Variants in PHKA1 observed in about 807,000 individuals in gnomAD.
PHKA1 encodes the protein phosphorylase kinase regulatory subunit alpha 1.
A neutral mutation model predicts 110.2 loss-of-function variants in PHKA1; 60 were observed. The observed-to-expected ratio is 0.54, with a 90% confidence interval of 0.44 to 0.68. The LOEUF (loss-of-function observed/expected upper bound fraction) is 0.68. Among genes scored for constraint, PHKA1 ranks in the 30% least tolerant of loss-of-function variants. The probability of loss-of-function intolerance (pLI) is 0.00; values close to 1 mark genes in which losing one functional copy is unlikely to be tolerated. For missense variants in PHKA1, 801 were observed against 942.5 expected (o/e 0.85, Z 1.97); for synonymous variants, 316 against 333.6 (o/e 0.95, Z 0.58).
Position 72,620,898 on chromosome X carries a change from C to A in PHKA1, c.1964G>T (p.Arg655Leu). The stretch of plus-strand genomic sequence containing the variant: ...ATAACGAGCAACTTCATCACCACAG[C>A]GAGCTGCAAGGTTAGTGGGGGGAGG... Reference protein sequence around the residue: ...MNDYDSTSHARCGDEVARYLD... With the variant: ...MNDYDSTSHALCGDEVARYLD... The change falls in exon 19 of 32, where the codon CGC (arginine) becomes CTC (leucine). Residue 655 changes from arginine (R) to leucine (L), a missense_variant. Coordinates refer to ENST00000373542, the MANE Select transcript of PHKA1 (RefSeq NM_002637.4). 1 of 1,209,687 alleles carries A rather than the reference C, an allele frequency of 8.3e-7. No homozygotes were observed. The highest frequency in any genetic ancestry group is 1.1e-6 in the Non-Finnish European group (1 of 894,798).
intron 28 of PHKA1, among the ~76,000 whole-genome samples, chrX:72,596,299 G>A (rs2052588834): frequency 9.0e-6 from 1 of 110,940 alleles, no homozygotes; most frequent in African/African-American, 3.3e-5. Flanking sequence ...TGGGTAGAGG[G>A]GAAAATGGGA....
At chrX:72,643,967 T>C (rs1446903919) in intron 14 of PHKA1, among the ~76,000 whole-genome samples, 3 of 112,006 alleles carry the variant, frequency 2.7e-5, no homozygotes, top group Admixed American at 9.5e-5. Flanking sequence ...AGGAATCTTT[T>C]ATATTATCAA....
chrX:72,637,274 G>A (rs1016043242), intron 14 of PHKA1, among the ~76,000 whole-genome samples: 3 of 111,325 alleles, frequency 2.7e-5, no homozygotes, highest in Admixed American at 9.5e-5. Flanking sequence ...CTATGAATTC[G>A]GTATCTCATA....
chrX:72,655,237 G>A (rs1339064670), intron 10 of PHKA1, among the ~76,000 whole-genome samples: 3 of 112,070 alleles, frequency 2.7e-5, no homozygotes, highest in Non-Finnish European at 3.8e-5. Flanking sequence ...AGCGAGGCCC[G>A]TCTCTACAAA....
intron 3 of PHKA1, among the ~76,000 whole-genome samples, chrX:72,701,428 T>C (rs1440120707): frequency 8.9e-6 from 1 of 112,002 alleles, no homozygotes; most frequent in African/African-American, 3.3e-5. Context: ...TTTCAAGAAG[T>C]CTTAACTAAT....
rs782124438 is a variant in PHKA1 at position 72,584,101 on chromosome X, TA to T, written c.3297+147del. On this transcript the variant is annotated intron_variant, in intron 30 of 31. Coordinates refer to ENST00000373542, the MANE Select transcript of PHKA1 (RefSeq NM_002637.4). ...TTATTCTATAATATTCTCTTTCCAT[TA>T]AAAAAATTGTCTTTTCTTCAAATGC... The T allele has an allele frequency of 3.7e-3, 1,891 of 517,253 alleles. 3 individuals are homozygous for T. The highest frequency in any genetic ancestry group is 5.1e-3 in the Non-Finnish European group (1,527 of 298,013). 42.6% of individuals were successfully genotyped at this position (517,253 alleles called of 1,213,427 possible). A position where few individuals can be genotyped will look rare whatever the true frequency, so the allele number is the denominator to read the frequency against.
At chrX:72,629,731 T>C (rs1403856826) in intron 16 of PHKA1, among the ~76,000 whole-genome samples, 7 of 111,713 alleles carry the variant, frequency 6.3e-5, no homozygotes, top group African/African-American at 2.3e-4. Flanking sequence ...TGCCTTCTTA[T>C]GGGTTACTTT....
At chrX:72,597,060 C>G (rs1032636349) in intron 28 of PHKA1, among the ~76,000 whole-genome samples, 27 of 112,018 alleles carry the variant, frequency 2.4e-4, no homozygotes, top group Admixed American at 1.8e-3. Context: ...CATCCACATG[C>G]AAAAGAATGA....
chrX:72,693,437 C>A (rs1438657469), intron 4 of PHKA1, among the ~76,000 whole-genome samples: 1 of 112,218 alleles, frequency 8.9e-6, no homozygotes, highest in Admixed American at 9.4e-5. Context: ...TGTGTCCTTA[C>A]AGCCTGCCTC....
At chrX:72,593,768 G>T (rs2052555370) in intron 28 of PHKA1, among the ~76,000 whole-genome samples, 1 of 112,712 alleles carries the variant, frequency 8.9e-6, no homozygotes, top group Non-Finnish European at 1.9e-5. Flanking sequence ...TAGCAGTGCT[G>T]TACGCTGGTA....
intron 23 of PHKA1, among the ~76,000 whole-genome samples, chrX:72,607,819 C>T (rs1202639759): frequency 9.0e-6 from 1 of 111,253 alleles, no homozygotes; most frequent in Non-Finnish European, 1.9e-5. Context: ...GGCCACTATG[C>T]TCCTCATCTT....
At position 72,580,569 on chromosome X, in the gene PHKA1, T is replaced by C; in HGVS notation, c.*433A>G. The C allele has an allele frequency of 7.3e-6, 1 of 137,332 alleles. No homozygotes were observed. Among genetic ancestry groups the C allele is most frequent in the Non-Finnish European group, 1.5e-5 (1 of 68,560 alleles). 11.3% of individuals were successfully genotyped at this position (137,332 alleles called of 1,213,427 possible). A position where few individuals can be genotyped will look rare whatever the true frequency, so the allele number is the denominator to read the frequency against. ...TTTAGAGTTTACTCATTTGAAATAA[T>C]GTCCCAAAGTACCCACCACTCATAT... is the stretch of plus-strand genomic sequence containing the variant. On this transcript the variant is annotated 3_prime_UTR_variant, in exon 32 of 32. Coordinates refer to ENST00000373542, the MANE Select transcript of PHKA1 (RefSeq NM_002637.4).
chrX:72,620,723 A>G lies in PHKA1; in HGVS notation c.2137+2T>C. 1 of 1,203,405 alleles carries G rather than the reference A, an allele frequency of 8.3e-7. No individual in the cohort carries two copies. The highest frequency in any genetic ancestry group is 1.1e-6 in the Non-Finnish European group (1 of 889,824). Reference sequence around the variant, plus strand: ...ACTCTGGTGAGTCACGGCATTACTCACTCTGTACATGCAGTTCCTTGGCCT... The same window carrying G: ...ACTCTGGTGAGTCACGGCATTACTCGCTCTGTACATGCAGTTCCTTGGCCT... On this transcript the variant is annotated splice_donor_variant, in intron 19 of 31. Transcript: ENST00000373542. LOFTEE classifies it high-confidence loss of function.
intron 3 of PHKA1, among the ~76,000 whole-genome samples, chrX:72,697,918 A>C (rs2054149946): frequency 1.8e-5 from 2 of 108,444 alleles, no homozygotes; most frequent in South Asian, 8.2e-4. Context: ...TGGGAGGTGG[A>C]GGTTACAATG....
At chrX:72,680,576 A>C (rs2053835860) in intron 5 of PHKA1, among the ~76,000 whole-genome samples, 1 of 112,695 alleles carries the variant, frequency 8.9e-6, no homozygotes, top group Non-Finnish European at 1.9e-5. Flanking sequence ...AGAATGAAGA[A>C]ATGTTAAAGA....
At chrX:72,709,264 C>T (rs2054332138) in intron 2 of PHKA1, among the ~76,000 whole-genome samples, 1 of 110,265 alleles carries the variant, frequency 9.1e-6, no homozygotes. Context: ...TTTGATGGTA[C>T]CATGAATGCA....
At chrX:72,651,683 C>T (rs1556299151) in intron 12 of PHKA1, among the ~76,000 whole-genome samples, 2 of 111,762 alleles carry the variant, frequency 1.8e-5, no homozygotes, top group African/African-American at 6.5e-5. Flanking sequence ...AACCATTCTG[C>T]CCACTTTTGC....
Position 72,710,834 on chromosome X carries a change from TTTTTTA to T in PHKA1, c.237+1939_237+1944del, listed in dbSNP as rs2054363484. On this transcript the variant is annotated intron_variant, in intron 2 of 31. Transcript: ENST00000373542. The stretch of plus-strand genomic sequence containing the variant: ...AAATTCTTTATTTTTTATTTTTTAT[TTTTTTA>T]TTTTTTTTTTTATTTTTATTTTTAT... Among the ~76,000 whole-genome samples the T allele has an allele frequency of 2.2e-4, 23 of 105,335 alleles. 1 individual carries two copies. Among genetic ancestry groups the T allele is most frequent in the African/African-American group, 7.0e-4 (20 of 28,747 alleles). The allele number at this position is 105,335 out of a possible 115,157, so 91.5% of individuals were successfully genotyped here.
At chrX:72,626,585 C>T (rs782546861) in intron 17 of PHKA1, among the ~76,000 whole-genome samples, 1 of 111,090 alleles carries the variant, frequency 9.0e-6, no homozygotes, top group South Asian at 3.9e-4. Context: ...TTCCAAGACC[C>T]CCTTGTGGAT....
Sources: gnomAD v4.1 joint callset for allele counts (sites outside exome capture counted in the v4.1 genomes callset) on GRCh38, gnomAD v4.1.1 for gene constraint, MANE v1.5 for transcripts, NCBI Gene and HGNC (gene_info 2026-07-23, HGNC 2026-07-21) for gene names.